PARVA: variants seen among roughly 807,000 people sequenced by gnomAD.
The protein encoded by PARVA is alpha-parvin.
A neutral mutation model predicts 52.6 loss-of-function variants in PARVA; 25 were observed. The ratio of observed to expected loss-of-function variants is 0.48; its 90% CI spans 0.35 to 0.66. The LOEUF (loss-of-function observed/expected upper bound fraction) is 0.66, where lower values mean the gene tolerates loss of function less well. PARVA is among the 30% of genes least tolerant of loss of function. The pLI, the probability that PARVA is intolerant of heterozygous loss-of-function variation, is 0.01. For missense variants in PARVA, 373 were observed against 450.9 expected, an observed-to-expected ratio of 0.83 and a Z score of 1.56; for synonymous variants, 185 against 179.1, an observed-to-expected ratio of 1.03 and a Z score of -0.26.
intron 1 of PARVA, among the ~76,000 whole-genome samples, chr11:12,426,766 C>A (rs140430471): frequency 1.5e-3 from 224 of 151,990 alleles, no homozygotes; most frequent in African/African-American, 5.2e-3. Flanking sequence ...GCCTGACCAC[C>A]ACAAGATTAC....
chr11:12,381,256 C>T (rs1485569209), intron 1 of PARVA, among the ~76,000 whole-genome samples: 1 of 152,180 alleles, frequency 6.6e-6, no homozygotes, highest in Non-Finnish European at 1.5e-5. Flanking sequence ...AATAATAAGG[C>T]CGGATCTTGC....
At chr11:12,377,467 C>CGCGAGGGAGGGA (rs559877023), upstream of PARVA, 826 of 1,403,744 alleles carry the variant, frequency 5.9e-4, 6 homozygotes, top group East Asian at 9.8e-3. Flanking sequence ...CAGAGGGCGG[C>CGCGAGGGAGGGA]GCGAGGGAGG....
In PARVA at chr11:12,467,902, G is replaced by T. The variant is rs151235618; in HGVS notation, c.137-5843G>T. ...CTCTGGAACCCCGCCCTACTTATCTGCTATTCCATTCCTCACCCCCTTCCC... is the reference window on the plus strand; with the variant it reads ...CTCTGGAACCCCGCCCTACTTATCTTCTATTCCATTCCTCACCCCCTTCCC... On this transcript the variant is annotated intron_variant, in intron 1 of 12. Coordinates refer to ENST00000334956, the MANE Select transcript of PARVA (RefSeq NM_018222.5). 2.3e-4 allele frequency among the ~76,000 whole-genome samples: 35 copies of T among 152,254 alleles called. No homozygotes were observed. The East Asian group carries it at 6.4e-3, about 28-fold the overall frequency.
At chr11:12,451,631 CA>C (rs1170801512) in intron 1 of PARVA, among the ~76,000 whole-genome samples, 1 of 152,122 alleles carries the variant, frequency 6.6e-6, no homozygotes, top group African/African-American at 2.4e-5. Flanking sequence ...TGCCATGAAT[CA>C]AAACCTTTTA....
At chr11:12,461,100 G>A (rs1237194307) in intron 1 of PARVA, among the ~76,000 whole-genome samples, 1 of 152,118 alleles carries the variant, frequency 6.6e-6, no homozygotes, top group Non-Finnish European at 1.5e-5. Context: ...GCTGGGCTCC[G>A]AGGGCCAACA....
chr11:12,421,629 T>C (rs1940151177), intron 1 of PARVA, among the ~76,000 whole-genome samples: 1 of 152,224 alleles, frequency 6.6e-6, no homozygotes, highest in Non-Finnish European at 1.5e-5. Context: ...AGATCAGTGA[T>C]GATACCATGG....
At chr11:12,406,477 C>T (rs80275239) in intron 1 of PARVA, among the ~76,000 whole-genome samples, 5,446 of 149,384 alleles carry the variant, frequency 0.036, 320 homozygotes, top group African/African-American at 0.13. Flanking sequence ...TAAAGTATAA[C>T]ATGCTGCATA....
chr11:12,506,014 A>G (rs1283543029), intron 6 of PARVA, among the ~76,000 whole-genome samples: 2 of 152,214 alleles, frequency 1.3e-5, no homozygotes, highest in Admixed American at 1.3e-4. Context: ...AGTATCAATT[A>G]TAAGCTCATC....
At chr11:12,425,640 T>C (rs933525135) in intron 1 of PARVA, among the ~76,000 whole-genome samples, 1 of 152,196 alleles carries the variant, frequency 6.6e-6, no homozygotes, top group East Asian at 1.9e-4. Context: ...TAATTATTCA[T>C]AGCCTTGTCA....
intron 1 of PARVA, among the ~76,000 whole-genome samples, chr11:12,451,866 G>A (rs371291065): frequency 1.8e-4 from 27 of 152,028 alleles, no homozygotes; most frequent in African/African-American, 4.6e-4. Flanking sequence ...GAAGAATATC[G>A]CGCTTCTTAG....
intron 8 of PARVA, among the ~76,000 whole-genome samples, chr11:12,511,758 G>T (rs1319715996): frequency 6.6e-6 from 1 of 152,058 alleles, no homozygotes; most frequent in African/African-American, 2.4e-5. Context: ...CATTGACCTT[G>T]CCATTTACAA....
chr11:12,488,429 A>G (rs1941189574), intron 4 of PARVA, among the ~76,000 whole-genome samples: 1 of 152,188 alleles, frequency 6.6e-6, no homozygotes, highest in Admixed American at 6.5e-5. Context: ...GGAAGTATAA[A>G]TCTAGTGGGA....
chr11:12,475,147 C>T (rs565596669), intron 3 of PARVA, among the ~76,000 whole-genome samples: 106 of 152,320 alleles, frequency 7.0e-4, no homozygotes, highest in Admixed American at 1.9e-3. Context: ...CCCAGCAACA[C>T]AAGGATGCCA....
chr11:12,473,928 G>A lies in PARVA; in HGVS notation c.242G>A (p.Arg81Gln). The change falls in exon 3 of 13, where the codon CGA (arginine) becomes CAA (glutamine). Residue 81 changes from arginine (R) to glutamine (Q), a missense_variant. Physicochemically the swap from Arg to Gln is conservative, Grantham distance 43. Transcript: ENST00000334956. ...EDTMLEENEV[R>Q]TMVDPNSRSD... ...CTTTTTAAAGAGGAGAATGAGGTGCGAACAATGGTGGATCCAAACTCACGC... is the reference window on the plus strand; with the variant it reads ...CTTTTTAAAGAGGAGAATGAGGTGCAAACAATGGTGGATCCAAACTCACGC... 5 of 1,581,010 alleles carry A rather than the reference G, an allele frequency of 3.2e-6. No homozygotes were observed. The highest frequency in any genetic ancestry group is 1.2e-5 in the South Asian group (1 of 85,864).
intron 12 of PARVA, among the ~76,000 whole-genome samples, chr11:12,523,456 CTG>C (rs761590146): frequency 4.7e-4 from 71 of 152,324 alleles, no homozygotes; most frequent in Admixed American, 3.9e-4. Context: ...ATGAAGGAAA[CTG>C]TGGTGTCACA....
chr11:12,430,434 C>T (rs567701570), intron 1 of PARVA, among the ~76,000 whole-genome samples: 2 of 152,296 alleles, frequency 1.3e-5, no homozygotes, highest in South Asian at 2.1e-4. Context: ...TCTTTCCTAA[C>T]GAGGGTAAAA....
chr11:12,524,756 A>G (rs561316018), intron 12 of PARVA, among the ~76,000 whole-genome samples: 1 of 152,192 alleles, frequency 6.6e-6, no homozygotes, highest in South Asian at 2.1e-4. Context: ...GTGGGCAACC[A>G]TTCATTCATG....
At chr11:12,395,777 A>G (rs1939734176) in intron 1 of PARVA, among the ~76,000 whole-genome samples, 1 of 152,200 alleles carries the variant, frequency 6.6e-6, no homozygotes, top group South Asian at 2.1e-4. Context: ...TTGGCAGCCC[A>G]GCTTCTGACC....
intron 4 of PARVA, among the ~76,000 whole-genome samples, chr11:12,481,071 TAATTA>T (rs1420973134): frequency 1.3e-5 from 2 of 148,414 alleles, no homozygotes; most frequent in Non-Finnish European, 3.0e-5. Context: ...TTTCTCTTTT[TAATTA>T]ATTTTTTTTA....
Sources: allele counts gnomAD v4.1 joint callset (sites outside exome capture counted in the v4.1 genomes callset), GRCh38; gene constraint gnomAD v4.1.1; transcripts MANE v1.5; gene names NCBI Gene and HGNC (gene_info 2026-07-23, HGNC 2026-07-21).